The following MYT1L variants were observed in gnomAD, a reference collection of about 807,000 sequenced individuals.
MYT1L encodes the protein myelin transcription factor 1-like protein.
MYT1L carries 12 observed loss-of-function variants against 126.7 expected under a neutral mutation model. The ratio of observed to expected loss-of-function variants is 0.09; its 90% CI spans 0.06 to 0.15. The LOEUF (loss-of-function observed/expected upper bound fraction) is 0.15. MYT1L is among the 10% of genes least tolerant of loss of function. The probability of loss-of-function intolerance (pLI) is 1.00; values close to 1 mark genes in which losing one functional copy is unlikely to be tolerated. For missense variants in MYT1L, 979 were observed against 1,585.2 expected, an observed-to-expected ratio of 0.62 and a Z score of 6.49; for synonymous variants, 541 against 604.2, an observed-to-expected ratio of 0.90 and a Z score of 1.53.
At position 2,054,126 on chromosome 2, in the gene MYT1L, A is replaced by G. The variant is rs1024664337; in HGVS notation, c.-303-3T>C. On this transcript the variant is annotated splice_polypyrimidine_tract_variant and splice_region_variant and intron_variant, in intron 3 of 24. Coordinates refer to ENST00000647738, the MANE Select transcript of MYT1L (RefSeq NM_001303052.2). ...TTCTTCCACCAGATGTGGCCACTCT[A>G]GAGAAGAACAAAAAGGCAGAATAAT... 1 of 152,694 alleles carries G rather than the reference A, an allele frequency of 6.5e-6. No individual in the cohort carries two copies. Among genetic ancestry groups the G allele is most frequent in the Non-Finnish European group, 1.5e-5 (1 of 68,046 alleles). 9.5% of individuals were successfully genotyped at this position (152,694 alleles called of 1,614,324 possible).
chr2:1,903,178 G>A lies in MYT1L; in HGVS notation c.1934C>T (p.Ser645Leu), dbSNP rs1217982893. Reference sequence around the variant, plus strand: ...GTTGTCGTAACTGTTGTATTCAAACGAGGTCTTGGAATATTTCTCGAGCTC... The same window carrying A: ...GTTGTCGTAACTGTTGTATTCAAACAAGGTCTTGGAATATTTCTCGAGCTC... ...AKELEKYSKT[S>L]FEYNSYDNHT... Residue 645 changes from serine to leucine, a missense_variant, in exon 14 of 25, where the codon TCG becomes TTG. Ser to Leu is a moderately radical substitution (Grantham distance 145). Coordinates refer to ENST00000647738, the MANE Select transcript of MYT1L (RefSeq NM_001303052.2). 8 of 1,613,812 alleles carry A rather than the reference G, an allele frequency of 5.0e-6. No individual in the cohort carries two copies. The highest frequency in any genetic ancestry group is 2.2e-5 in the South Asian group (2 of 91,080).
At chr2:1,930,614 T>A (rs1445435877) in intron 9 of MYT1L, among the ~76,000 whole-genome samples, 1 of 152,158 alleles carries the variant, frequency 6.6e-6, no homozygotes, top group Non-Finnish European at 1.5e-5. Context: ...GGCACAGCGC[T>A]GGGCTGCTGG....
At chr2:1,825,570 TTTTG>T (rs1365069031) in intron 21 of MYT1L, 2 of 152,204 alleles carry the variant, frequency 1.3e-5, no homozygotes, top group Non-Finnish European at 2.9e-5. Context: ...CGTCAAAGTT[TTTTG>T]TTTGTTTAAT....
intron 1 of MYT1L, among the ~76,000 whole-genome samples, chr2:2,315,744 T>G (rs7581523): frequency 0.033 from 5,092 of 152,290 alleles, 164 homozygotes; most frequent in South Asian, 0.11. Context: ...TTCTAGTGGG[T>G]CTATGTTTAC....
At chr2:2,237,092 G>C (rs1002378489) in intron 2 of MYT1L, among the ~76,000 whole-genome samples, 2 of 152,118 alleles carry the variant, frequency 1.3e-5, no homozygotes, top group African/African-American at 4.8e-5. Context: ...GGGATTATAA[G>C]TGTGAGCCAC....
intron 1 of MYT1L, among the ~76,000 whole-genome samples, chr2:2,329,421 T>C (rs1369197993): frequency 6.6e-6 from 1 of 152,098 alleles, no homozygotes; most frequent in Non-Finnish European, 1.5e-5. Context: ...GACAACAACA[T>C]AATCCTTCAT....
chr2:2,300,207 T>A (rs772943414), intron 1 of MYT1L, among the ~76,000 whole-genome samples: 1 of 152,212 alleles, frequency 6.6e-6, no homozygotes, highest in African/African-American at 2.4e-5. Context: ...CAAATAAATA[T>A]ATGTTTATGA....
rs533347616 is a variant in MYT1L at position 2,218,097 on chromosome 2, A to G, written c.-420-45109T>C. ...TCTTGGTGAAGAAGTTGGAGGAATA[A>G]GAGAGCTCATATACTGCAGGTGGGA... On this transcript the variant is annotated intron_variant, in intron 2 of 24. Transcript: ENST00000647738. Among the ~76,000 whole-genome samples the G allele has an allele frequency of 1.1e-4, 17 of 152,348 alleles. No individual in the cohort carries two copies. The South Asian group carries it at 3.5e-3, about 32-fold the overall frequency.
At chr2:2,098,950 G>C (rs2077739525) in intron 3 of MYT1L, among the ~76,000 whole-genome samples, 1 of 152,202 alleles carries the variant, frequency 6.6e-6, no homozygotes, top group African/African-American at 2.4e-5. Context: ...CCCAAAAGGT[G>C]TGGGGAGAGA....
intron 4 of MYT1L, among the ~76,000 whole-genome samples, chr2:2,004,750 G>A (rs1482497173): frequency 0.016 from 1,690 of 103,160 alleles, 20 homozygotes; most frequent in African/African-American, 0.082. Context: ...TTTCCTGCAG[G>A]CGTTCTTTCC....
chr2:1,855,519 G>C (rs2043803142), intron 18 of MYT1L, among the ~76,000 whole-genome samples: 1 of 152,188 alleles, frequency 6.6e-6, no homozygotes, highest in Non-Finnish European at 1.5e-5. Flanking sequence ...CAGGCTGCTG[G>C]GGAGCAGAGT....
chr2:2,163,740 A>G (rs1450395061), intron 3 of MYT1L, among the ~76,000 whole-genome samples: 3 of 127,832 alleles, frequency 2.3e-5, no homozygotes, highest in East Asian at 4.1e-4. Flanking sequence ...TCCGTCTCAG[A>G]AAAAAAAAAA....
intron 21 of MYT1L, among the ~76,000 whole-genome samples, chr2:1,809,602 G>A (rs1350474511): frequency 1.3e-5 from 2 of 152,194 alleles, no homozygotes; most frequent in African/African-American, 4.8e-5. Context: ...AGTAGAGACA[G>A]CAGAATAATG....
chr2:2,044,849 A>C (rs1032367270), intron 4 of MYT1L, among the ~76,000 whole-genome samples: 16 of 152,092 alleles, frequency 1.1e-4, no homozygotes, highest in Admixed American at 7.9e-4. Flanking sequence ...CCCTACCTCT[A>C]TTTTGGGATG....
At chr2:1,977,004 C>T (rs35594925) in intron 8 of MYT1L, among the ~76,000 whole-genome samples, 4,078 of 152,238 alleles carry the variant, frequency 0.027, 74 homozygotes, top group Non-Finnish European at 0.042. Flanking sequence ...GGCCAAGTAA[C>T]CGGGAAATAG....
chr2:2,025,298 A>T (rs1401360132), intron 4 of MYT1L, among the ~76,000 whole-genome samples: 1 of 151,992 alleles, frequency 6.6e-6, no homozygotes, highest in Non-Finnish European at 1.5e-5. Flanking sequence ...TGAGTCCCTG[A>T]ACAAACAGTT....
At chr2:2,229,743 A>T (rs529248912) in intron 2 of MYT1L, among the ~76,000 whole-genome samples, 10 of 152,226 alleles carry the variant, frequency 6.6e-5, no homozygotes, top group African/African-American at 2.4e-4. Context: ...TATTATCTCT[A>T]AACCTTATGC....
rs1275648099 is a variant in MYT1L, at chr2:1,889,908, A to G, written c.2284-431T>C. Among the ~76,000 whole-genome samples the G allele has an allele frequency of 5.9e-5, 9 of 152,186 alleles. No individual in the cohort carries two copies. The highest frequency in any genetic ancestry group is 1.3e-4 in the Non-Finnish European group (9 of 68,042). On this transcript the variant is annotated intron_variant, in intron 15 of 24. Transcript: ENST00000647738. This position sits in a 1 kb window ranked among gnomAD's most constrained non-coding sequence, Gnocchi z 4.1. ...TGTGTGTATGCATGTGTGCATATAC[A>G]TGTATGTGCATGTGTGTGTGTGTAT...
intron 3 of MYT1L, among the ~76,000 whole-genome samples, chr2:2,169,680 ATGTGGG>A (rs2089711514): frequency 6.6e-6 from 1 of 151,796 alleles, no homozygotes; most frequent in African/African-American, 2.4e-5. Flanking sequence ...GTTGCAGAGG[ATGTGGG>A]AAAACAGGCC....
Sources: allele counts gnomAD v4.1 joint callset (sites outside exome capture counted in the v4.1 genomes callset), GRCh38; gene constraint gnomAD v4.1.1; non-coding constraint Gnocchi (gnomAD v3.1); transcripts MANE v1.5; gene names NCBI Gene and HGNC (gene_info 2026-07-23, HGNC 2026-07-21).